CCSER1: variants seen among roughly 807,000 people sequenced by gnomAD.
CCSER1 encodes the protein serine-rich coiled-coil domain-containing protein 1.
A neutral mutation model predicts 82.0 loss-of-function variants in CCSER1; 41 were observed. The observed-to-expected ratio is 0.50, with a 90% CI of 0.39 to 0.65. CCSER1 has a LOEUF of 0.65. Among genes scored for constraint, CCSER1 ranks in the 30% least tolerant of loss-of-function variants. The probability of loss-of-function intolerance (pLI) is 0.00; values close to 1 mark genes in which losing one functional copy is unlikely to be tolerated. For synonymous variants in CCSER1, 414 were observed against 383.9 expected (o/e 1.08, Z -0.92); for missense variants, 1,119 against 1,064.2 (o/e 1.05, Z -0.72).
chr4:90,832,472 T>C (rs1387457042), intron 8 of CCSER1, among the ~76,000 whole-genome samples: 1 of 152,144 alleles, frequency 6.6e-6, no homozygotes, highest in African/African-American at 2.4e-5. Context: ...CTTCATCGCT[T>C]TGAGTTGACT....
At chr4:90,682,816 A>G (rs58107746) in intron 6 of CCSER1, among the ~76,000 whole-genome samples, 23,194 of 152,126 alleles carry the variant, frequency 0.15, 1,974 homozygotes, top group East Asian at 0.28. Flanking sequence ...CAGATTTATT[A>G]ATCACTAAAT....
chr4:91,336,991 ATAAAC>A (rs1438415351), intron 10 of CCSER1, among the ~76,000 whole-genome samples: 2 of 152,136 alleles, frequency 1.3e-5, no homozygotes, highest in Non-Finnish European at 2.9e-5. Flanking sequence ...TGCATATAGA[ATAAAC>A]TAAAATGGAG....
chr4:90,995,952 T>C (rs890469469), intron 9 of CCSER1, among the ~76,000 whole-genome samples: 5 of 152,142 alleles, frequency 3.3e-5, no homozygotes, highest in African/African-American at 1.2e-4. Context: ...CCTCTGTGTA[T>C]AATTTTCAAT....
chr4:90,635,539 A>C (rs1451925380), intron 6 of CCSER1, among the ~76,000 whole-genome samples: 1 of 151,866 alleles, frequency 6.6e-6, no homozygotes, highest in Admixed American at 6.6e-5. Context: ...TCACAAATCA[A>C]AATTTTCTGG....
intron 6 of CCSER1, among the ~76,000 whole-genome samples, chr4:90,673,314 A>G (rs1721990222): frequency 6.6e-6 from 1 of 151,952 alleles, no homozygotes; most frequent in South Asian, 2.1e-4. Context: ...TTTGAGCTTG[A>G]AAATTATGTT....
At chr4:91,214,799 A>G (rs1737116263) in intron 10 of CCSER1, among the ~76,000 whole-genome samples, 1 of 152,178 alleles carries the variant, frequency 6.6e-6, no homozygotes, top group Admixed American at 6.5e-5. Flanking sequence ...TATATATCAA[A>G]AGTAATTGTT....
intron 9 of CCSER1, among the ~76,000 whole-genome samples, chr4:90,983,648 A>G (rs1054089484): frequency 6.6e-6 from 1 of 151,782 alleles, no homozygotes; most frequent in Non-Finnish European, 1.5e-5. Flanking sequence ...AAAATAACTT[A>G]CAAATATCAA....
At chr4:90,417,732 A>G (rs1195223923) in intron 4 of CCSER1, among the ~76,000 whole-genome samples, 1 of 152,168 alleles carries the variant, frequency 6.6e-6, no homozygotes, top group African/African-American at 2.4e-5. Context: ...AAAATTCTGC[A>G]GTGAGTTAGG....
chr4:90,701,531 T>G (rs1027326482), intron 6 of CCSER1, among the ~76,000 whole-genome samples: 8 of 152,184 alleles, frequency 5.3e-5, no homozygotes, highest in African/African-American at 1.7e-4. Context: ...GAAAGTCATT[T>G]GTAGCTTGAT....
At chr4:91,025,308 C>A (rs768010329) in intron 9 of CCSER1, among the ~76,000 whole-genome samples, 1 of 152,124 alleles carries the variant, frequency 6.6e-6, no homozygotes, top group Non-Finnish European at 1.5e-5. Flanking sequence ...ACCTCCAATT[C>A]TTTAAAGTCA....
chr4:90,705,865 C>T (rs559016536), intron 6 of CCSER1, among the ~76,000 whole-genome samples: 113 of 152,262 alleles, frequency 7.4e-4, no homozygotes, highest in Middle Eastern at 6.8e-3. Flanking sequence ...TTCCAGGTGC[C>T]GTCTGTCACA....
At chr4:91,358,431 T>A (rs1578258799) in intron 10 of CCSER1, among the ~76,000 whole-genome samples, 1 of 118,352 alleles carries the variant, frequency 8.4e-6, no homozygotes. Context: ...AATACCACAC[T>A]CACACCACAC....
chr4:90,954,103 AT>A (rs1364944336), intron 9 of CCSER1, among the ~76,000 whole-genome samples: 1 of 152,028 alleles, frequency 6.6e-6, no homozygotes, highest in African/African-American at 2.4e-5. Flanking sequence ...TTTTTATAAC[AT>A]TTCTCTTTAA....
chr4:90,759,530 G>T (rs1750103818), intron 7 of CCSER1, among the ~76,000 whole-genome samples: 1 of 152,132 alleles, frequency 6.6e-6, no homozygotes, highest in African/African-American at 2.4e-5. Flanking sequence ...CAAACAAAAT[G>T]ATTTGTAGAC....
At chr4:90,869,802 A>T (rs1259393078) in intron 8 of CCSER1, among the ~76,000 whole-genome samples, 1 of 151,738 alleles carries the variant, frequency 6.6e-6, no homozygotes, top group Non-Finnish European at 1.5e-5. Flanking sequence ...GCTAGTATGG[A>T]CATTTTAACA....
intron 6 of CCSER1, among the ~76,000 whole-genome samples, chr4:90,640,834 T>C (rs6832125): frequency 1 from 152,254 of 152,276 alleles, 76,116 homozygotes; most frequent in Middle Eastern, 1. Flanking sequence ...CTGTAAGTTT[T>C]CTGAGGCCTC....
chr4:90,451,557 T>G (rs1187630275), intron 4 of CCSER1, among the ~76,000 whole-genome samples: 1 of 152,158 alleles, frequency 6.6e-6, no homozygotes, highest in African/African-American at 2.4e-5. Context: ...TGGTGGAGGA[T>G]TTTTAAGAAC....
At chr4:91,416,947 T>G (rs1211389200) in intron 10 of CCSER1, among the ~76,000 whole-genome samples, 1 of 152,084 alleles carries the variant, frequency 6.6e-6, no homozygotes, top group Non-Finnish European at 1.5e-5. Context: ...ATTTTTGCAA[T>G]CTGTCCATCT....
At chr4:90,323,414 G>T (rs922235286) in intron 3 of CCSER1, among the ~76,000 whole-genome samples, 2 of 152,202 alleles carry the variant, frequency 1.3e-5, no homozygotes, top group East Asian at 3.9e-4. Flanking sequence ...CTGGAGCTCA[G>T]ATTCCTACCC....
Sources: gnomAD v4.1 joint callset for allele counts (sites outside exome capture counted in the v4.1 genomes callset) on GRCh38, gnomAD v4.1.1 for gene constraint, MANE v1.5 for transcripts, NCBI Gene and HGNC (gene_info 2026-07-23, HGNC 2026-07-21) for gene names.